The following TTI1 variants were observed in gnomAD, a reference collection of about 807,000 sequenced individuals.
TTI1 encodes the protein TELO2 interacting protein 1.
A neutral mutation model predicts 85.4 loss-of-function variants in TTI1; 52 were observed. That is an observed-to-expected ratio of 0.61 (90% CI 0.49 to 0.77). The LOEUF (loss-of-function observed/expected upper bound fraction) is 0.77, where lower values mean the gene tolerates loss of function less well. Ranked by LOEUF, TTI1 falls within the 30% of genes least tolerant of loss-of-function variation. TTI1 has a pLI of 0.00. For missense variants in TTI1, 1,173 were observed against 1,296.0 expected (o/e 0.91, Z 1.46); for synonymous variants, 512 against 503.9 (o/e 1.02, Z -0.22).
At chr20:38,016,888 C>A (rs2073690491) in intron 1 of TTI1, among the ~76,000 whole-genome samples, 1 of 152,214 alleles carries the variant, frequency 6.6e-6, no homozygotes, top group Non-Finnish European at 1.5e-5. Context: ...GAAGCTATAC[C>A]TAAGCATTAC....
At chr20:38,009,581 C>CT (rs1482508837) in intron 2 of TTI1, among the ~76,000 whole-genome samples, 1 of 152,012 alleles carries the variant, frequency 6.6e-6, no homozygotes, top group Non-Finnish European at 1.5e-5. Flanking sequence ...TCATGGCTCA[C>CT]TGCAGCCCTG....
At position 38,013,984 on chromosome 20, in the gene TTI1, G is replaced by T. The variant is rs576070637; in HGVS notation, c.-41-127C>A. 10 of 936,506 alleles carry T rather than the reference G, an allele frequency of 1.1e-5. No individual in the cohort carries two copies. In the South Asian group the frequency reaches 1.2e-4, roughly 11 times the overall value. 58.0% of individuals were successfully genotyped at this position (936,506 alleles called of 1,614,324 possible). A position where few individuals can be genotyped will look rare whatever the true frequency, so the allele number is the denominator to read the frequency against. On this transcript the variant is annotated intron_variant, in intron 1 of 7. Transcript: ENST00000373447. ...CCAGCCACTGCACAAGGCACTAGGG[G>T]TGCAATGAAACTGAGCCCCCTGTCT...
chr20:37,987,040 G>A (rs1175841376), intron 7 of TTI1: 4 of 396,302 alleles, frequency 1.0e-5, no homozygotes, highest in Admixed American at 5.6e-5. Flanking sequence ...TGGCTGGCAA[G>A]TGTAGCTGTG....
intron 2 of TTI1, among the ~76,000 whole-genome samples, chr20:38,007,086 G>C (rs1460572140): frequency 6.6e-6 from 1 of 152,168 alleles, no homozygotes; most frequent in Non-Finnish European, 1.5e-5. Flanking sequence ...ATATGCTGAG[G>C]CATGTCCAAA....
At chr20:38,024,608 G>T (rs62203560) in intron 1 of TTI1, among the ~76,000 whole-genome samples, 21 of 151,954 alleles carry the variant, frequency 1.4e-4, no homozygotes, top group African/African-American at 4.4e-4. Context: ...GGGCACCCTC[G>T]CAAGACAAAA....
rs1016453853 is a variant in TTI1 at position 37,999,626 on chromosome 20, A to G, written c.2653-298T>C. ...GGGAAGTCAAAGGTGAAATGCAAAG[A>G]AACGAGGGGAAGGATCTAAACCACA... On this transcript the variant is annotated intron_variant, in intron 4 of 7. Transcript: ENST00000373447. Among the ~76,000 whole-genome samples, 8 of 152,334 alleles carry G rather than the reference A, an allele frequency of 5.3e-5. No individual in the cohort carries two copies. In the South Asian group the frequency reaches 8.3e-4, roughly 16 times the overall value.
chr20:38,010,822 T>C (rs1232031831), intron 2 of TTI1, among the ~76,000 whole-genome samples: 2 of 152,064 alleles, frequency 1.3e-5, no homozygotes, highest in African/African-American at 4.8e-5. Context: ...AAGCACCCAA[T>C]AGGATCAGTG....
At position 38,002,720 on chromosome 20, in the gene TTI1, G is replaced by A; in HGVS notation, c.2560C>T (p.Pro854Ser). 1 of 1,614,252 alleles carries A rather than the reference G, an allele frequency of 6.2e-7. No individual in the cohort carries two copies. Among genetic ancestry groups the A allele is most frequent in the Non-Finnish European group, 8.5e-7 (1 of 1,180,050 alleles). The change falls in exon 4 of 8, where the codon CCA (proline) becomes TCA (serine). Residue 854 changes from proline (P) to serine (S), a missense_variant. Coordinates refer to ENST00000373447, the MANE Select transcript of TTI1 (RefSeq NM_001303457.2). ...DENDTRPDVEPPLPLQIQIAM... is the reference protein window; with the variant it reads ...DENDTRPDVESPLPLQIQIAM... Reference sequence around the variant, plus strand: ...ATTTGGATCTGCAATGGCAGTGGTGGCTCCACATCTGGACGGGTGTCATTC... The same window carrying A: ...ATTTGGATCTGCAATGGCAGTGGTGACTCCACATCTGGACGGGTGTCATTC...
chr20:38,028,375 G>C (rs145495273), intron 1 of TTI1, among the ~76,000 whole-genome samples: 1 of 152,118 alleles, frequency 6.6e-6, no homozygotes, highest in Non-Finnish European at 1.5e-5. Context: ...AGTAGAAGTA[G>C]CTATATTAGC....
chr20:38,001,784 T>A (rs1600622535), intron 4 of TTI1, among the ~76,000 whole-genome samples: 1 of 152,134 alleles, frequency 6.6e-6, no homozygotes, highest in Non-Finnish European at 1.5e-5. Context: ...AATGGCACGA[T>A]CTTGGCTCAC....
rs969844286 is a variant in TTI1 at position 38,015,188 on chromosome 20, A to G, written c.-41-1331T>C. 5.6e-4 allele frequency among the ~76,000 whole-genome samples: 86 copies of G among 152,290 alleles called. 1 individual carries two copies. The highest frequency in any genetic ancestry group is 5.5e-3 in the Admixed American group (84 of 15,306). On this transcript the variant is annotated intron_variant, in intron 1 of 7. Coordinates refer to ENST00000373447, the MANE Select transcript of TTI1 (RefSeq NM_001303457.2). ...TGAGCAAGGCCTGCTCAGTCCAGAA[A>G]GAGAGCTGGTGCCAAATTTCCCCAT...
intron 3 of TTI1, among the ~76,000 whole-genome samples, chr20:38,004,264 C>T (rs557994592): frequency 6.6e-6 from 1 of 152,248 alleles, no homozygotes; most frequent in East Asian, 1.9e-4. Flanking sequence ...AAAATCCTTA[C>T]CCTGAAAAAT....
chr20:38,012,736 G>C lies in TTI1; in HGVS notation c.1081C>G (p.Gln361Glu), dbSNP rs756530257. The C allele has an allele frequency of 1.9e-6, 3 of 1,614,126 alleles. No individual in the cohort carries two copies. Among genetic ancestry groups the C allele is most frequent in the Non-Finnish European group, 1.7e-6 (2 of 1,180,036 alleles). The change falls in exon 2 of 8, where the codon CAA becomes GAA. Residue 361 changes from glutamine (Q) to glutamate (E), a missense_variant. By Grantham distance (29) the Gln-to-Glu change is conservative (BLOSUM62 2). Coordinates refer to ENST00000373447, the MANE Select transcript of TTI1 (RefSeq NM_001303457.2). Reference protein sequence around the residue: ...CNKVLRHFADQKVVVGNKALA... With the variant: ...CNKVLRHFADEKVVVGNKALA... ...GCTTTGTTGCCCACCACTACTTTTT[G>C]ATCTGCAAAATGTCTCAGAACTTTA...
At chr20:38,017,051 C>T (rs1164276139) in intron 1 of TTI1, among the ~76,000 whole-genome samples, 2 of 152,184 alleles carry the variant, frequency 1.3e-5, no homozygotes, top group Non-Finnish European at 2.9e-5. Context: ...ACATTTGTCT[C>T]CTTTTTCCTA....
At chr20:38,004,670 T>C (rs1568617198) in intron 3 of TTI1, among the ~76,000 whole-genome samples, 1 of 152,240 alleles carries the variant, frequency 6.6e-6, no homozygotes, top group Non-Finnish European at 1.5e-5. Context: ...AATTCACCTA[T>C]TGCAGAATCT....
At chr20:38,007,411 G>C (rs1313591034) in intron 2 of TTI1, among the ~76,000 whole-genome samples, 4 of 152,168 alleles carry the variant, frequency 2.6e-5, no homozygotes, top group Admixed American at 2.6e-4. Flanking sequence ...AGGAGCCTTA[G>C]GGCTTCACAG....
intron 1 of TTI1, 23 bp from the exon 2 acceptor site, chr20:38,013,880 T>C (rs1449157252): frequency 6.5e-7 from 1 of 1,534,950 alleles, no homozygotes; most frequent in Non-Finnish European, 8.7e-7. Flanking sequence ...AACTGTTCAG[T>C]AAAAATGTCA....
Position 38,011,963 on chromosome 20 carries a change from G to A in TTI1, c.1854C>T (p.Cys618=), listed in dbSNP as rs753508789. The change falls in exon 2 of 8, where the codon TGC becomes TGT. Residue 618 remains cysteine, a synonymous_variant. Coordinates refer to ENST00000373447, the MANE Select transcript of TTI1 (RefSeq NM_001303457.2). ...LAFSKPSPTI[C]SMNSNIWQIC... is the part of the protein sequence containing the mutation. ...TTTGCCAGATGTTACTGTTCATGGA[G>A]CAAATAGTGGGACTTGGCTTTGAGA... 6.2e-7 allele frequency: 1 copy of A among 1,614,236 alleles called. No individual in the cohort carries two copies. Among genetic ancestry groups the A allele is most frequent in the Non-Finnish European group, 8.5e-7 (1 of 1,180,050 alleles).
intron 3 of TTI1, among the ~76,000 whole-genome samples, chr20:38,003,275 T>C (rs1042149162): frequency 6.6e-6 from 1 of 152,198 alleles, no homozygotes; most frequent in Non-Finnish European, 1.5e-5. Context: ...GCATGGGTTT[T>C]AATGACAAGA....
Sources: allele counts gnomAD v4.1 joint callset (sites outside exome capture counted in the v4.1 genomes callset), GRCh38; gene constraint gnomAD v4.1.1; transcripts MANE v1.5; gene names NCBI Gene and HGNC (gene_info 2026-07-23, HGNC 2026-07-21).